The following CASQ2 variants were observed in gnomAD, a reference collection of about 807,000 sequenced individuals.
CASQ2 encodes the protein calsequestrin 2.
Under a neutral mutation model 46.5 loss-of-function variants are expected in CASQ2, and 49 were observed. The ratio of observed to expected loss-of-function variants is 1.05; its 90% CI spans 0.84 to 1.34. CASQ2 has a LOEUF of 1.34. Ranked by LOEUF, CASQ2 falls within the 40% of genes most tolerant of loss-of-function variation. The pLI, the probability that CASQ2 is intolerant of heterozygous loss-of-function variation, is 0.00. For missense variants in CASQ2, 486 were observed against 481.3 expected (o/e 1.01, Z -0.09); for synonymous variants, 174 against 168.5 (o/e 1.03, Z -0.25).
intron 8 of CASQ2, among the ~76,000 whole-genome samples, chr1:115,711,392 G>C (rs190647663): frequency 2.6e-5 from 4 of 152,120 alleles, no homozygotes; most frequent in African/African-American, 9.7e-5. Flanking sequence ...TTGCTTAACC[G>C]CTCCCCTTTC....
intron 7 of CASQ2, among the ~76,000 whole-genome samples, chr1:115,724,179 G>A (rs541170343): frequency 6.6e-5 from 10 of 152,298 alleles, no homozygotes; most frequent in Non-Finnish European, 1.5e-4. Flanking sequence ...ACCAGGTTTG[G>A]CTCCAGATGG....
chr1:115,724,841 C>T (rs1044490504), intron 7 of CASQ2, among the ~76,000 whole-genome samples: 6 of 152,202 alleles, frequency 3.9e-5, no homozygotes, highest in Non-Finnish European at 7.3e-5. Flanking sequence ...CACAAAGCTA[C>T]TAGGTGGCAG....
chr1:115,767,086 T>C (rs560484157), intron 1 of CASQ2, among the ~76,000 whole-genome samples: 3 of 152,318 alleles, frequency 2.0e-5, no homozygotes, highest in Admixed American at 1.3e-4. Context: ...TTCATAACAA[T>C]GTCTCTTGAT....
Position 115,725,557 on chromosome 1 carries a change from GAAAAAA to G in CASQ2, c.738-10_738-5del, listed in dbSNP as rs56889721. The G allele has an allele frequency of 1.2e-3, 1,742 of 1,399,780 alleles. No individual in the cohort carries two copies. Among genetic ancestry groups the G allele is most frequent in the Non-Finnish European group, 1.4e-3 (1,438 of 1,056,718 alleles). 86.7% of individuals were successfully genotyped at this position (1,399,780 alleles called of 1,614,324 possible). A position where few individuals can be genotyped will look rare whatever the true frequency, so the allele number is the denominator to read the frequency against. ...GCGCAGGCGACGTAGAGTGGGTCTG[GAAAAAA>G]AAAAAAAAAAAAAAAAAGAAAGAGC... is the stretch of plus-strand genomic sequence containing the variant. On this transcript the variant is annotated splice_region_variant and splice_polypyrimidine_tract_variant and intron_variant, in intron 6 of 10. Coordinates refer to ENST00000261448, the MANE Select transcript of CASQ2 (RefSeq NM_001232.4).
intron 8 of CASQ2, among the ~76,000 whole-genome samples, chr1:115,716,369 T>A (rs1334337369): frequency 6.6e-6 from 1 of 152,198 alleles, no homozygotes; most frequent in African/African-American, 2.4e-5. Flanking sequence ...AGCTGCTCAT[T>A]TTCCCCAGGT....
intron 8 of CASQ2, among the ~76,000 whole-genome samples, chr1:115,713,295 C>T (rs563925769): frequency 2.6e-5 from 4 of 152,298 alleles, no homozygotes; most frequent in East Asian, 1.9e-4. Flanking sequence ...GCACTTTGAG[C>T]GCAGGAGCTG....
At chr1:115,737,011 T>G (rs933046142) in intron 4 of CASQ2, among the ~76,000 whole-genome samples, 1 of 152,182 alleles carries the variant, frequency 6.6e-6, no homozygotes, top group African/African-American at 2.4e-5. Context: ...CTTGTTTTGC[T>G]TCCCTCTTAT....
chr1:115,706,186 G>A (rs1654355103), intron 8 of CASQ2, among the ~76,000 whole-genome samples: 1 of 151,666 alleles, frequency 6.6e-6, no homozygotes, highest in African/African-American at 2.4e-5. Context: ...GTGTGTGTAT[G>A]TGTGTGTGCG....
chr1:115,763,882 G>A (rs574403313), intron 1 of CASQ2, among the ~76,000 whole-genome samples: 46 of 152,260 alleles, frequency 3.0e-4, no homozygotes, highest in African/African-American at 1.1e-3. Context: ...GGAAAAAGAG[G>A]AAGCAGGAAA....
Position 115,766,739 on chromosome 1 carries a change from C to G in CASQ2, c.234+1569G>C, listed in dbSNP as rs528312629. On this transcript the variant is annotated intron_variant, in intron 1 of 10. Coordinates refer to ENST00000261448, the MANE Select transcript of CASQ2 (RefSeq NM_001232.4). ...TTTTCCTTATCGGTCTCTGCTGGGC[C>G]GGCACCCACTGTGAAAAGGGCACTC... is the stretch of plus-strand genomic sequence containing the variant. Among the ~76,000 whole-genome samples, 76 of 152,068 alleles carry G rather than the reference C, an allele frequency of 5.0e-4. 1 individual carries two copies. In the South Asian group the frequency reaches 0.016, roughly 32 times the overall value.
chr1:115,756,474 G>A (rs1648764275), intron 1 of CASQ2, among the ~76,000 whole-genome samples: 1 of 152,198 alleles, frequency 6.6e-6, no homozygotes, highest in African/African-American at 2.4e-5. Context: ...AAAATACTCT[G>A]CACCAACCTG....
intron 8 of CASQ2, among the ~76,000 whole-genome samples, chr1:115,706,882 A>G (rs1346253617): frequency 6.6e-6 from 1 of 152,074 alleles, no homozygotes; most frequent in African/African-American, 2.4e-5. Flanking sequence ...TCTCTAATGC[A>G]TTCCAGGCAA....
At position 115,705,261 on chromosome 1, in the gene CASQ2, C is replaced by A. The variant is rs779031635; in HGVS notation, c.870G>T (p.Gln290His). The change falls in exon 9 of 11, where the codon CAG becomes CAT. Residue 290 changes from glutamine to histidine, a missense_variant. Coordinates refer to ENST00000261448, the MANE Select transcript of CASQ2 (RefSeq NM_001232.4). ...DGYEFLEILK[Q>H]VARDNTDNPD... ...GGTTGTCAGTATTGTCCCGGGCAAC[C>A]TGTTTCAGGATCTCCAGGAATTCGT... The A allele has an allele frequency of 1.9e-6, 3 of 1,613,984 alleles. No individual in the cohort carries two copies. The highest frequency in any genetic ancestry group is 2.5e-6 in the Non-Finnish European group (3 of 1,179,836).
At chr1:115,745,279 G>T (rs918665294) in intron 1 of CASQ2, among the ~76,000 whole-genome samples, 2 of 152,198 alleles carry the variant, frequency 1.3e-5, no homozygotes, top group African/African-American at 4.8e-5. Context: ...TTCTCTAGCT[G>T]CCAAATGTAC....
chr1:115,733,063 C>A, intron 4 of CASQ2, 89 bp from the exon 5 acceptor site: 2 of 851,482 alleles, frequency 2.3e-6, no homozygotes, highest in African/African-American at 1.7e-5. Context: ...GAGTAGAAAG[C>A]CAATTAATCC....
intron 8 of CASQ2, among the ~76,000 whole-genome samples, chr1:115,711,724 G>A (rs1435510742): frequency 1.3e-5 from 2 of 151,586 alleles, no homozygotes; most frequent in Non-Finnish European, 2.9e-5. Context: ...GTGTGGTCTC[G>A]GCTCACTGCA....
At chr1:115,732,464 T>C (rs999013028) in intron 5 of CASQ2, among the ~76,000 whole-genome samples, 3 of 152,212 alleles carry the variant, frequency 2.0e-5, no homozygotes, top group Non-Finnish European at 4.4e-5. Flanking sequence ...TGACTTCCTC[T>C]TGTTTTTCGC....
intron 8 of CASQ2, among the ~76,000 whole-genome samples, chr1:115,716,600 C>A (rs1654708371): frequency 6.6e-6 from 1 of 152,194 alleles, no homozygotes; most frequent in Non-Finnish European, 1.5e-5. Context: ...AATATCTCCC[C>A]CAGTGCCCAG....
intron 7 of CASQ2, among the ~76,000 whole-genome samples, chr1:115,720,752 G>C (rs926758728): frequency 1.3e-5 from 2 of 152,190 alleles, no homozygotes. Context: ...AGCATGCTGG[G>C]CTGGCGTTAT....
Sources: allele counts gnomAD v4.1 joint callset (sites outside exome capture counted in the v4.1 genomes callset), GRCh38; gene constraint gnomAD v4.1.1; transcripts MANE v1.5; gene names NCBI Gene and HGNC (gene_info 2026-07-23, HGNC 2026-07-21).